The following CHL1 variants were observed in gnomAD, a reference collection of about 807,000 sequenced individuals.
CHL1 encodes neural cell adhesion molecule L1-like protein.
CHL1 carries 96 observed loss-of-function variants against 141.9 expected under a neutral mutation model. That is an observed-to-expected ratio of 0.68 (90% confidence interval 0.57 to 0.80). The LOEUF is 0.80. Among genes scored for constraint, CHL1 ranks in the 30% least tolerant of loss-of-function variants. CHL1 has a pLI of 0.00. For synonymous variants in CHL1, 613 were observed against 502.2 expected (o/e 1.22, Z -2.95); for missense variants, 1,820 against 1,457.2 (o/e 1.25, Z -4.05).
intron 16 of CHL1, among the ~76,000 whole-genome samples, chr3:379,919 CT>C (rs2125381046): frequency 6.6e-6 from 1 of 152,178 alleles, no homozygotes; most frequent in South Asian, 2.1e-4. Context: ...GTTTTACCCC[CT>C]GGAAAACAAT....
chr3:359,032 C>A (rs1226911127), intron 11 of CHL1, among the ~76,000 whole-genome samples: 1 of 146,266 alleles, frequency 6.8e-6, no homozygotes, highest in African/African-American at 2.5e-5. Flanking sequence ...ATATTTATAT[C>A]TATATATATA....
intron 26 of CHL1, among the ~76,000 whole-genome samples, chr3:400,561 A>G (rs1302488947): frequency 6.7e-6 from 1 of 149,266 alleles, no homozygotes; most frequent in Non-Finnish European, 1.5e-5. Context: ...AAAATGTTCC[A>G]GGAAGAACAA....
chr3:402,974 T>C (rs1204649666), intron 27 of CHL1, among the ~76,000 whole-genome samples: 3 of 152,184 alleles, frequency 2.0e-5, no homozygotes, highest in Non-Finnish European at 4.4e-5. Flanking sequence ...AATCCAGACA[T>C]GGCTTAGATG....
intron 1 of CHL1, chr3:213,063 T>C (rs1700028488): frequency 6.6e-6 from 1 of 152,234 alleles, no homozygotes; most frequent in Admixed American, 6.5e-5. Flanking sequence ...CTTGAAGTCA[T>C]TGCATTTTAG....
At chr3:305,608 A>T (rs931273126) in intron 2 of CHL1, among the ~76,000 whole-genome samples, 2 of 151,732 alleles carry the variant, frequency 1.3e-5, no homozygotes, top group Admixed American at 1.3e-4. Context: ...ATAACACCCT[A>T]TAACTTGCTT....
At chr3:242,468 C>T (rs141772733) in intron 1 of CHL1, among the ~76,000 whole-genome samples, 37,457 of 145,848 alleles carry the variant, frequency 0.26, 5,892 homozygotes, top group East Asian at 0.46. Context: ...TGGTGGTGGG[C>T]GCCTGTAGTC....
intron 1 of CHL1, among the ~76,000 whole-genome samples, chr3:244,172 G>A (rs1692933164): frequency 6.6e-6 from 1 of 152,166 alleles, no homozygotes; most frequent in African/African-American, 2.4e-5. Flanking sequence ...AATGCTTCCT[G>A]ACGAAGCTCT....
chr3:289,562 TG>T (rs987380009), intron 2 of CHL1, among the ~76,000 whole-genome samples: 5 of 152,156 alleles, frequency 3.3e-5, no homozygotes, highest in Non-Finnish European at 5.9e-5. Context: ...CAATTACTCC[TG>T]GTAGGTAAAT....
chr3:358,153 G>T (rs1488117425), intron 11 of CHL1, among the ~76,000 whole-genome samples: 1 of 152,152 alleles, frequency 6.6e-6, no homozygotes, highest in Non-Finnish European at 1.5e-5. Flanking sequence ...TCCAACACGA[G>T]TCTTGGCTAA....
chr3:221,591 G>T (rs1559291142), intron 1 of CHL1, among the ~76,000 whole-genome samples: 1 of 152,190 alleles, frequency 6.6e-6, no homozygotes, highest in East Asian at 1.9e-4. Context: ...TTCCTTAAAA[G>T]AGGAAAAGTA....
chr3:403,062 C>G (rs1457932136), intron 27 of CHL1, among the ~76,000 whole-genome samples: 1 of 152,158 alleles, frequency 6.6e-6, no homozygotes, highest in African/African-American at 2.4e-5. Context: ...AAAGTTTCAG[C>G]CAAAGCACAA....
At chr3:243,648 C>T (rs1692882613) in intron 1 of CHL1, among the ~76,000 whole-genome samples, 2 of 152,126 alleles carry the variant, frequency 1.3e-5, no homozygotes, top group South Asian at 4.1e-4. Flanking sequence ...TACTTGGCAA[C>T]AGCTTTTGGA....
chr3:297,867 A>T (rs749693150), intron 2 of CHL1, among the ~76,000 whole-genome samples: 14 of 152,212 alleles, frequency 9.2e-5, no homozygotes, highest in Non-Finnish European at 2.1e-4. Flanking sequence ...CTTTACCCTG[A>T]TGCAGGAAAT....
At chr3:370,780 T>A (rs531818505) in intron 15 of CHL1, among the ~76,000 whole-genome samples, 2 of 152,238 alleles carry the variant, frequency 1.3e-5, no homozygotes, top group Non-Finnish European at 2.9e-5. Flanking sequence ...GCTTTAGCTG[T>A]GTCCCACAGA....
chr3:219,654 A>C (rs1023513587), intron 1 of CHL1, among the ~76,000 whole-genome samples: 1 of 152,192 alleles, frequency 6.6e-6, no homozygotes, highest in Non-Finnish European at 1.5e-5. Context: ...ATGAGAAAAC[A>C]TGAACACTTA....
At chr3:364,897 C>G (rs968816801) in intron 14 of CHL1, among the ~76,000 whole-genome samples, 8 of 152,128 alleles carry the variant, frequency 5.3e-5, no homozygotes, top group African/African-American at 1.9e-4. Flanking sequence ...CATTACTTAG[C>G]AGAGCCCTGA....
chr3:278,999 C>T (rs781290554), intron 2 of CHL1, among the ~76,000 whole-genome samples: 34 of 152,166 alleles, frequency 2.2e-4, no homozygotes, highest in Non-Finnish European at 3.2e-4. Context: ...ATATTTCTCA[C>T]GCTCAGATCT....
Position 390,750 on chromosome 3 carries a change from A to C in CHL1, c.2520A>C (p.Thr840=), listed in dbSNP as rs141032064. Residue 840 remains threonine, a synonymous_variant, in exon 21 of 28, where the codon ACA becomes ACC. Coordinates refer to ENST00000256509, the MANE Select transcript of CHL1 (RefSeq NM_006614.4). ...VIHGVDVINS[T]LVKVTWSTVP... is the part of the protein sequence containing the mutation. ...ATGGGGTGGACGTTATAAACAGTAC[A>C]TTAGTTAAAGTTACCTGGTCAACAG... 1.9e-6 allele frequency: 3 copies of C among 1,612,352 alleles called. No homozygotes were observed. The highest frequency in any genetic ancestry group is 2.2e-5 in the East Asian group (1 of 44,842).
chr3:281,680 C>T (rs921145676), intron 2 of CHL1, among the ~76,000 whole-genome samples: 9 of 151,946 alleles, frequency 5.9e-5, no homozygotes, highest in African/African-American at 1.9e-4. Flanking sequence ...ATGCCTCAGC[C>T]CCCCAAATAG....
Sources: gnomAD v4.1 joint callset for allele counts (sites outside exome capture counted in the v4.1 genomes callset) on GRCh38, gnomAD v4.1.1 for gene constraint, MANE v1.5 for transcripts, NCBI Gene and HGNC (gene_info 2026-07-23, HGNC 2026-07-21) for gene names.